The following HIVEP3 variants were observed in gnomAD, a reference collection of about 807,000 sequenced individuals.
HIVEP3 encodes the protein transcription factor HIVEP3.
A neutral mutation model predicts 152.8 loss-of-function variants in HIVEP3; 49 were observed. The ratio of observed to expected loss-of-function variants is 0.32; its 90% CI spans 0.26 to 0.41. The LOEUF (loss-of-function observed/expected upper bound fraction) is 0.41, where lower values mean the gene tolerates loss of function less well. Ranked by LOEUF, HIVEP3 falls within the 10% of genes least tolerant of loss-of-function variation. The probability of loss-of-function intolerance (pLI) is 1.00; values close to 1 mark genes in which losing one functional copy is unlikely to be tolerated. For missense variants in HIVEP3, 2,790 were observed against 3,103.3 expected (o/e 0.90, Z 2.40); for synonymous variants, 1,269 against 1,289.0 (o/e 0.98, Z 0.33).
intron 1 of HIVEP3, among the ~76,000 whole-genome samples, chr1:41,793,499 G>A (rs960540804): frequency 1.3e-5 from 2 of 152,174 alleles, no homozygotes; most frequent in Non-Finnish European, 2.9e-5. Context: ...GGAGGAGGCT[G>A]CACTGTGAAC....
chr1:41,575,331 A>G (rs370511924), intron 5 of HIVEP3, among the ~76,000 whole-genome samples: 24 of 152,156 alleles, frequency 1.6e-4, no homozygotes, highest in African/African-American at 4.8e-4. Flanking sequence ...AATACCCAGC[A>G]TCACCCATCC....
rs993491937 is a variant in HIVEP3 at position 41,539,182 on chromosome 1, C to T, written c.5208-14272G>A. Among the ~76,000 whole-genome samples the T allele has an allele frequency of 1.2e-4, 18 of 152,208 alleles. No homozygotes were observed. The East Asian group carries it at 3.1e-3, about 26-fold the overall frequency. ...AGGCCATTTTCAGGTGGATCCCGTC[C>T]ACACCCTCCCACAGGTGCATATTCC... On this transcript the variant is annotated intron_variant, in intron 5 of 8. Transcript: ENST00000372583.
intron 1 of HIVEP3, among the ~76,000 whole-genome samples, chr1:41,824,769 A>G (rs1642720649): frequency 7.6e-5 from 2 of 26,196 alleles, no homozygotes; most frequent in Non-Finnish European, 1.7e-4. Flanking sequence ...ATATATATAT[A>G]TATATATATA....
chr1:41,767,975 T>A (rs150247167), intron 1 of HIVEP3, among the ~76,000 whole-genome samples: 7 of 152,212 alleles, frequency 4.6e-5, no homozygotes, highest in Non-Finnish European at 1.0e-4. Flanking sequence ...GAAGCCATGA[T>A]GGATTGTAGA....
intron 5 of HIVEP3, among the ~76,000 whole-genome samples, chr1:41,529,037 TCA>T (rs1643134522): frequency 9.2e-6 from 1 of 108,506 alleles, no homozygotes; most frequent in Non-Finnish European, 1.9e-5. Flanking sequence ...ACACTCTCCC[TCA>T]CACATGCTCA....
intron 2 of HIVEP3, among the ~76,000 whole-genome samples, chr1:41,670,605 A>G (rs1645860935): frequency 6.6e-6 from 1 of 152,236 alleles, no homozygotes; most frequent in African/African-American, 2.4e-5. Flanking sequence ...TATAGAGCAT[A>G]TTAGCAGGAG....
intron 3 of HIVEP3, among the ~76,000 whole-genome samples, chr1:41,597,440 G>A (rs1644683345): frequency 6.6e-6 from 1 of 152,202 alleles, no homozygotes; most frequent in African/African-American, 2.4e-5. Context: ...CCTAGACGGA[G>A]CAAATGAACT....
chr1:41,997,261 T>C (rs1160505694), intron 1 of HIVEP3, among the ~76,000 whole-genome samples: 1 of 152,186 alleles, frequency 6.6e-6, no homozygotes, highest in Non-Finnish European at 1.5e-5. Flanking sequence ...AACCTCTCAA[T>C]GGAAGGAGTG....
intron 2 of HIVEP3, among the ~76,000 whole-genome samples, chr1:41,632,658 A>C (rs1369109399): frequency 6.6e-6 from 1 of 152,182 alleles, no homozygotes; most frequent in Non-Finnish European, 1.5e-5. Context: ...TGGGAGGGTA[A>C]GGCAGGAGAA....
intron 6 of HIVEP3, among the ~76,000 whole-genome samples, chr1:41,523,171 C>T (rs779890120): frequency 7.2e-5 from 11 of 152,360 alleles, no homozygotes; most frequent in Admixed American, 3.3e-4. Flanking sequence ...CATAAAATCT[C>T]GACTGGCTGC....
intron 2 of HIVEP3, among the ~76,000 whole-genome samples, chr1:41,634,762 T>G (rs1645244786): frequency 6.6e-6 from 1 of 152,218 alleles, no homozygotes; most frequent in Non-Finnish European, 1.5e-5. Context: ...CCTTTTATAT[T>G]GCCGAAGAGT....
At chr1:41,921,811 G>A (rs1173255096), upstream of HIVEP3, among the ~76,000 whole-genome samples, 2 of 152,132 alleles carry the variant, frequency 1.3e-5, no homozygotes, top group Non-Finnish European at 2.9e-5. Context: ...AGCTTCTTTG[G>A]AAAGTGAGAG....
At position 41,986,813 on chromosome 1, in the gene HIVEP3, C is replaced by T. The variant is rs532488638; in HGVS notation, n.119+48994G>A. Among the ~76,000 whole-genome samples the T allele has an allele frequency of 7.2e-5, 11 of 152,210 alleles. No homozygotes were observed. In the South Asian group the frequency reaches 2.3e-3, roughly 32 times the overall value. On this transcript the variant is annotated intron_variant and non_coding_transcript_variant, in intron 1 of 3. Transcript: ENST00000489103. Reference sequence around the variant, plus strand: ...CATAAACTATTAAGATACTGTCCTTCCAGCAGAGTATTAAATGAATACTAT... The same window carrying T: ...CATAAACTATTAAGATACTGTCCTTTCAGCAGAGTATTAAATGAATACTAT...
chr1:41,683,856 T>TC (rs1646076611), intron 2 of HIVEP3, among the ~76,000 whole-genome samples: 1 of 152,238 alleles, frequency 6.6e-6, no homozygotes, highest in East Asian at 1.9e-4. Flanking sequence ...TACCAGCACT[T>TC]CGAGGTTCTT....
intron 1 of HIVEP3, among the ~76,000 whole-genome samples, chr1:41,814,091 T>C (rs566357048): frequency 1.2e-4 from 18 of 152,350 alleles, no homozygotes; most frequent in African/African-American, 4.3e-4. Flanking sequence ...CTTATCTTGC[T>C]GTCCAAGGGA....
chr1:41,779,266 T>C (rs1273211671), intron 1 of HIVEP3, among the ~76,000 whole-genome samples: 1 of 152,198 alleles, frequency 6.6e-6, no homozygotes, highest in Non-Finnish European at 1.5e-5. Flanking sequence ...GTGCTGGGCT[T>C]TGGAGTCAGG....
rs545337347 is a variant in HIVEP3 at position 41,788,970 on chromosome 1, C to T, written c.-800-87975G>A. On this transcript the variant is annotated intron_variant, in intron 1 of 8. Transcript: ENST00000372583. ...TTCCCAGCTCCATGGAACGTGAGAG[C>T]GAAAGCCTGCAGCCATCTCGCCCCC... is the stretch of plus-strand genomic sequence containing the variant. 1.1e-4 allele frequency among the ~76,000 whole-genome samples: 16 copies of T among 152,306 alleles called. No homozygotes were observed. In the East Asian group the frequency reaches 1.5e-3, roughly 15 times the overall value.
At chr1:41,809,905 T>C (rs955601756) in intron 1 of HIVEP3, among the ~76,000 whole-genome samples, 1 of 152,184 alleles carries the variant, frequency 6.6e-6, no homozygotes, top group Non-Finnish European at 1.5e-5. Context: ...CCTGAAGCTA[T>C]AAATTACTTT....
chr1:41,783,497 A>G (rs774470859), intron 1 of HIVEP3, among the ~76,000 whole-genome samples: 5 of 152,218 alleles, frequency 3.3e-5, no homozygotes, highest in African/African-American at 4.8e-5. Flanking sequence ...GCAATGTGGC[A>G]TAGGCCGGAG....
Sources: allele counts gnomAD v4.1 joint callset (sites outside exome capture counted in the v4.1 genomes callset), GRCh38; gene constraint gnomAD v4.1.1; transcripts MANE v1.5; gene names NCBI Gene and HGNC (gene_info 2026-07-23, HGNC 2026-07-21).